Variants in ASIC2 observed in about 807,000 individuals in gnomAD.
ASIC2 encodes the protein acid-sensing ion channel 2.
In ASIC2, 25 loss-of-function variants were observed where a neutral mutation model predicts 57.3. The ratio of observed to expected loss-of-function variants is 0.44; its 90% confidence interval spans 0.32 to 0.61. ASIC2 has a LOEUF of 0.61. Ranked by LOEUF, ASIC2 falls within the 20% of genes least tolerant of loss-of-function variation. The probability of loss-of-function intolerance (pLI) is 0.06; values close to 1 mark genes in which losing one functional copy is unlikely to be tolerated. For missense variants in ASIC2, 641 were observed against 738.1 expected (o/e 0.87, Z 1.52); for synonymous variants, 319 against 307.5 (o/e 1.04, Z -0.39).
At chr17:33,331,932 GAGCTTTTGAAAAATAGGACATCATA>G (rs1333005158) in intron 1 of ASIC2, among the ~76,000 whole-genome samples, 1 of 152,208 alleles carries the variant, frequency 6.6e-6, no homozygotes, top group African/African-American at 2.4e-5. Flanking sequence ...ATCACCTGTG[GAGCTTTTGAAAAATAGGACATCATA>G]CCCTTCCCTG....
chr17:33,823,248 C>T (rs2141894451), intron 1 of ASIC2, among the ~76,000 whole-genome samples: 1 of 152,312 alleles, frequency 6.6e-6, no homozygotes, highest in African/African-American at 2.4e-5. Context: ...GATTTGAACC[C>T]AAGCCTTCTG....
At chr17:33,579,736 C>A (rs958531244) in intron 1 of ASIC2, among the ~76,000 whole-genome samples, 1 of 152,124 alleles carries the variant, frequency 6.6e-6, no homozygotes, top group South Asian at 2.1e-4. Context: ...TAGTGCGGAC[C>A]CAAACACTAA....
intron 1 of ASIC2, among the ~76,000 whole-genome samples, chr17:34,035,459 G>A (rs1394463322): frequency 6.7e-6 from 1 of 148,446 alleles, no homozygotes; most frequent in South Asian, 2.2e-4. Flanking sequence ...TACTATTCAG[G>A]ACATAGGCAT....
At chr17:33,576,782 A>G (rs1916636550) in intron 1 of ASIC2, among the ~76,000 whole-genome samples, 1 of 87,952 alleles carries the variant, frequency 1.1e-5, no homozygotes, top group African/African-American at 9.7e-5. Flanking sequence ...AGCAAAGGGC[A>G]CCTGGTTCTT....
chr17:33,946,507 C>T (rs1428465783), intron 1 of ASIC2, among the ~76,000 whole-genome samples: 1 of 152,230 alleles, frequency 6.6e-6, no homozygotes, highest in Non-Finnish European at 1.5e-5. Context: ...TGTGCATTCA[C>T]TGATTCATTT....
In ASIC2 at chr17:33,013,807, G is replaced by A. The variant is rs1335426980; in HGVS notation, c.*158C>T. On this transcript the variant is annotated 3_prime_UTR_variant, in exon 10 of 10. Transcript: ENST00000225823. ...CCAAGGATGCGTCGTGTTGGACGTG[G>A]CCGGAGCGAGGTCTAGGCAGCTAGT... 4 of 664,646 alleles carry A rather than the reference G, an allele frequency of 6.0e-6. No individual in the cohort carries two copies. The African/African-American group carries it at 7.2e-5, about 12-fold the overall frequency. The allele number at this position is 664,646 out of a possible 1,614,324, so 41.2% of individuals were successfully genotyped here.
At chr17:33,583,426 C>A (rs1935836132) in intron 1 of ASIC2, among the ~76,000 whole-genome samples, 1 of 152,062 alleles carries the variant, frequency 6.6e-6, no homozygotes, top group Non-Finnish European at 1.5e-5. Context: ...CATTTCTCTG[C>A]CTGCCTCCCT....
intron 1 of ASIC2, among the ~76,000 whole-genome samples, chr17:33,596,150 G>A (rs1186628120): frequency 6.6e-6 from 1 of 152,174 alleles, no homozygotes; most frequent in Non-Finnish European, 1.5e-5. Flanking sequence ...GCTTTTCACT[G>A]CTCTAGCCAA....
At chr17:33,924,922 T>A (rs2141967579) in intron 1 of ASIC2, among the ~76,000 whole-genome samples, 1 of 152,268 alleles carries the variant, frequency 6.6e-6, no homozygotes, top group Admixed American at 6.5e-5. Flanking sequence ...GACAGTCACT[T>A]CTTGTTTAGT....
At chr17:33,774,609 A>G (rs1431100990) in intron 1 of ASIC2, among the ~76,000 whole-genome samples, 1 of 152,252 alleles carries the variant, frequency 6.6e-6, no homozygotes, top group African/African-American at 2.4e-5. Flanking sequence ...TTTTCCAGAA[A>G]TTCCTAGCAA....
intron 3 of ASIC2, among the ~76,000 whole-genome samples, chr17:33,070,230 GT>G (rs1275255729): frequency 2.0e-5 from 3 of 151,694 alleles, no homozygotes; most frequent in Non-Finnish European, 2.9e-5. Flanking sequence ...ATAATATGTT[GT>G]TATTATTTAA....
chr17:33,727,905 T>C lies in ASIC2; in HGVS notation c.555+428073A>G, dbSNP rs141062703. ...GGTCTTTCATCCTTTGTTCATATTG[T>C]CTATCCACCAACAAATACTTACTGA... is the stretch of plus-strand genomic sequence containing the variant. On this transcript the variant is annotated intron_variant, in intron 1 of 9. Transcript: ENST00000359872. Among the ~76,000 whole-genome samples the C allele has an allele frequency of 6.2e-3, 947 of 152,360 alleles. 12 individuals carry two copies. The highest frequency in any genetic ancestry group is 0.022 in the African/African-American group (922 of 41,582).
rs138827679 is a variant in ASIC2, at chr17:33,629,211, G to A, written c.556-517144C>T. 4.0e-3 allele frequency among the ~76,000 whole-genome samples: 616 copies of A among 152,218 alleles called. 2 individuals carry two copies. Among genetic ancestry groups the A allele is most frequent in the African/African-American group, 0.014 (580 of 41,530 alleles). On this transcript the variant is annotated intron_variant, in intron 1 of 9. Transcript: ENST00000359872. ...CAGAGAATGCTCACCAGCCCTCCCCGTGGCTTCTTCCCTGCTCTCTGCCAG... is the reference window on the plus strand; with the variant it reads ...CAGAGAATGCTCACCAGCCCTCCCCATGGCTTCTTCCCTGCTCTCTGCCAG...
chr17:33,942,763 G>C (rs1363640389), intron 1 of ASIC2, among the ~76,000 whole-genome samples: 1 of 152,128 alleles, frequency 6.6e-6, no homozygotes, highest in East Asian at 1.9e-4. Context: ...GAACAGCAAG[G>C]GCTGTACTTA....
At chr17:33,201,257 C>T (rs148873589) in intron 1 of ASIC2, among the ~76,000 whole-genome samples, 94 of 152,302 alleles carry the variant, frequency 6.2e-4, no homozygotes, top group Non-Finnish European at 1.2e-3. Context: ...AGTGCTCGAT[C>T]CACAGTAGGT....
chr17:33,610,362 G>A (rs1439485145), intron 1 of ASIC2, among the ~76,000 whole-genome samples: 1 of 151,984 alleles, frequency 6.6e-6, no homozygotes, highest in Non-Finnish European at 1.5e-5. Context: ...TCACCGTGTT[G>A]GCCAGGCTGG....
intron 1 of ASIC2, among the ~76,000 whole-genome samples, chr17:34,090,045 G>A (rs1207210032): frequency 6.6e-6 from 1 of 152,174 alleles, no homozygotes; most frequent in East Asian, 1.9e-4. Context: ...ACCACAGTCT[G>A]ATGGAAGCTT....
At chr17:33,451,346 C>T (rs1405106344) in intron 1 of ASIC2, among the ~76,000 whole-genome samples, 1 of 152,098 alleles carries the variant, frequency 6.6e-6, no homozygotes, top group Non-Finnish European at 1.5e-5. Flanking sequence ...CATGAGCTAC[C>T]GTACCCGGCT....
rs577511275 is a variant in ASIC2, at chr17:33,155,540, C to G, written c.709-43473G>C. ...TCCACAAGCCTTACTTTTTTTTTTT[C>G]TTTTTTCTCTTCTTTCTTTCTTTCT... On this transcript the variant is annotated intron_variant, in intron 1 of 9. Coordinates refer to ENST00000225823, the MANE Select transcript of ASIC2 (RefSeq NM_183377.2). Among the ~76,000 whole-genome samples the G allele has an allele frequency of 9.1e-4, 130 of 142,346 alleles. 4 individuals are homozygous for G. The East Asian group carries it at 0.025, about 27-fold the overall frequency. The allele number at this position is 142,346 out of a possible 152,430, so 93.4% of individuals were successfully genotyped here.
Sources: gnomAD v4.1 joint callset for allele counts (sites outside exome capture counted in the v4.1 genomes callset) on GRCh38, gnomAD v4.1.1 for gene constraint, MANE v1.5 for transcripts, NCBI Gene and HGNC (gene_info 2026-07-23, HGNC 2026-07-21) for gene names.